Variants in SLC25A23 observed in about 807,000 individuals in gnomAD.
SLC25A23 encodes mitochondrial adenyl nucleotide antiporter SLC25A23.
Under a neutral mutation model 53.9 loss-of-function variants are expected in SLC25A23, and 32 were observed. That is an observed-to-expected ratio of 0.59 (90% CI 0.45 to 0.80). The LOEUF (loss-of-function observed/expected upper bound fraction) is 0.80. Among genes scored for constraint, SLC25A23 ranks in the 30% least tolerant of loss-of-function variants. SLC25A23 has a pLI of 0.00. For synonymous variants in SLC25A23, 275 were observed against 264.5 expected (o/e 1.04, Z -0.38); for missense variants, 575 against 651.4 (o/e 0.88, Z 1.28).
At chr19:6,445,195 C>A (rs534545745) in intron 8 of SLC25A23, among the ~76,000 whole-genome samples, 20 of 151,880 alleles carry the variant, frequency 1.3e-4, no homozygotes, top group Non-Finnish European at 2.8e-4. Context: ...CTGCAACCTC[C>A]GCCTCCTGGC....
intron 8 of SLC25A23, among the ~76,000 whole-genome samples, chr19:6,446,475 C>T (rs1256320923): frequency 2.6e-5 from 4 of 152,234 alleles, no homozygotes; most frequent in Non-Finnish European, 5.9e-5. Context: ...TGACTTCTTA[C>T]TGCCAACATT....
chr19:6,451,403 A>G (rs1434233495), intron 8 of SLC25A23, among the ~76,000 whole-genome samples: 2 of 152,336 alleles, frequency 1.3e-5, no homozygotes, highest in East Asian at 3.9e-4. Context: ...AAAATAAATA[A>G]ATAAATAAAA....
At chr19:6,446,076 A>G (rs1397123346) in intron 8 of SLC25A23, among the ~76,000 whole-genome samples, 1 of 143,162 alleles carries the variant, frequency 7.0e-6, no homozygotes, top group African/African-American at 2.9e-5. Context: ...ATCAAAAAGA[A>G]AAAAGGTCGG....
downstream of SLC25A23, chr19:6,439,991 C>T (rs1005628653): frequency 5.9e-5 from 9 of 152,188 alleles, no homozygotes; most frequent in African/African-American, 2.2e-4. Flanking sequence ...GAAGCAGCCC[C>T]TTGTCCCTTC....
chr19:6,453,188 T>G (rs1343295538), intron 7 of SLC25A23, among the ~76,000 whole-genome samples: 2 of 151,344 alleles, frequency 1.3e-5, no homozygotes, highest in African/African-American at 4.8e-5. Flanking sequence ...ACTCTGAAGC[T>G]ACCATCCCAG....
intron 8 of SLC25A23, 131 bp downstream of exon 8, chr19:6,452,181 C>T: frequency 2.3e-6 from 3 of 1,278,196 alleles, no homozygotes; most frequent in Non-Finnish European, 2.1e-6. Flanking sequence ...GGCCAAGGTG[C>T]TCCTCACCTC....
chr19:6,456,220 C>T (rs2092680663), intron 4 of SLC25A23, 200 bp downstream of exon 4: 8 of 1,054,730 alleles, frequency 7.6e-6, no homozygotes, highest in Non-Finnish European at 9.4e-6. Context: ...TTCAATCAGA[C>T]AGCAGAGATG....
rs1034031285 is a variant in SLC25A23 at position 6,455,962 on chromosome 19, G to A, written c.483+458C>T. 4.7e-5 allele frequency: 57 copies of A among 1,210,270 alleles called. No homozygotes were observed. In the African/African-American group the frequency reaches 8.0e-4, roughly 17 times the overall value. 75.0% of individuals were successfully genotyped at this position (1,210,270 alleles called of 1,614,324 possible). A position where few individuals can be genotyped will look rare whatever the true frequency, so the allele number is the denominator to read the frequency against. Reference sequence around the variant, plus strand: ...TCGCGATCGCCTGACCTCGTGATCCGCCCACTTCGGCCTCCCAAAGTGCTG... The same window carrying A: ...TCGCGATCGCCTGACCTCGTGATCCACCCACTTCGGCCTCCCAAAGTGCTG... On this transcript the variant is annotated intron_variant, in intron 4 of 9. Transcript: ENST00000301454.
intron 8 of SLC25A23, among the ~76,000 whole-genome samples, chr19:6,451,421 C>T (rs2092589291): frequency 6.6e-6 from 1 of 152,116 alleles, no homozygotes; most frequent in African/African-American, 2.4e-5. Flanking sequence ...AAAATAATTT[C>T]GAGACAGCAG....
intron 9 of SLC25A23, among the ~76,000 whole-genome samples, 155 bp downstream of exon 9, chr19:6,443,991 GAAAGT>G (rs981738033): frequency 3.7e-4 from 56 of 152,308 alleles, no homozygotes; most frequent in African/African-American, 1.3e-3. Context: ...TCAGCTCCAT[GAAAGT>G]AAAGGACTCC....
downstream of SLC25A23, chr19:6,438,880 C>A (rs113364872): frequency 6.8e-3 from 1,171 of 171,260 alleles, 14 homozygotes; most frequent in African/African-American, 0.027. Flanking sequence ...AACCAACCAA[C>A]CAAACAAGAA....
chr19:6,437,810 G>GA (rs1226306516), downstream of SLC25A23, among the ~76,000 whole-genome samples: 2,075 of 112,358 alleles, frequency 0.018, 27 homozygotes, highest in South Asian at 0.04. Context: ...CTCCATCTCA[G>GA]AAAAAAAAAA....
chr19:6,441,840 G>C lies in SLC25A23; in HGVS notation c.*135C>G, dbSNP rs2092425153. ...GGGATCCCATGACCCAATGGTTGGG[G>C]CATAGGAGTCTAGGATCCAGGATCT... is the stretch of plus-strand genomic sequence containing the variant. On this transcript the variant is annotated 3_prime_UTR_variant, in exon 10 of 10. Coordinates refer to ENST00000301454, the MANE Select transcript of SLC25A23 (RefSeq NM_024103.3). 4.0e-6 allele frequency: 3 copies of C among 759,462 alleles called. No individual in the cohort carries two copies. The highest frequency in any genetic ancestry group is 4.6e-5 in the Admixed American group (2 of 43,830). The allele number at this position is 759,462 out of a possible 1,614,324, so 47.0% of individuals were successfully genotyped here.
In SLC25A23 at chr19:6,441,680, A is replaced by C; in HGVS notation, c.*295T>G. The C allele has an allele frequency of 2.3e-6, 1 of 437,516 alleles. No individual in the cohort carries two copies. Among genetic ancestry groups the C allele is most frequent in the Non-Finnish European group, 4.2e-6 (1 of 236,436 alleles). 27.1% of individuals were successfully genotyped at this position (437,516 alleles called of 1,614,324 possible). ...TAATCTTGAATCTTGTGGTTAGGGT[A>C]GCAGACTTGAGTTGCTGAAGTAAGG... On this transcript the variant is annotated 3_prime_UTR_variant, in exon 10 of 10. Transcript: ENST00000301454.
intron 9 of SLC25A23, 138 bp downstream of exon 9, chr19:6,444,013 A>T (rs1280885311): frequency 6.6e-6 from 6 of 904,206 alleles, no homozygotes; most frequent in Non-Finnish European, 8.0e-6. Context: ...CTCCCATTTC[A>T]ATGTCACAAA....
chr19:6,448,350 C>T (rs1053759030), intron 8 of SLC25A23, among the ~76,000 whole-genome samples: 1 of 152,156 alleles, frequency 6.6e-6, no homozygotes, highest in East Asian at 1.9e-4. Context: ...TTTTAGAAGC[C>T]TTCTTTTGGG....
At chr19:6,449,418 ATT>A (rs60420597) in intron 8 of SLC25A23, among the ~76,000 whole-genome samples, 4 of 135,910 alleles carry the variant, frequency 2.9e-5, no homozygotes, top group Admixed American at 7.4e-5. Context: ...ACACCTGGCT[ATT>A]TTTTTTTTTT....
Position 6,458,288 on chromosome 19 carries a change from C to T in SLC25A23, c.193G>A (p.Gly65Arg), listed in dbSNP as rs150816117. Residue 65 changes from glycine (G) to arginine (R), a missense_variant, in exon 2 of 10, where the codon GGG becomes AGG. Physicochemically the swap from Gly to Arg is moderately radical, Grantham distance 125 (BLOSUM62 -2). Transcript: ENST00000301454. ...SSEGDADPDG[G>R]LDLEEFSRYL... The stretch of plus-strand genomic sequence containing the variant: ...CGGGAAAATTCCTCCAGGTCGAGCC[C>T]GCCATCTGGGTCAGCATCACCCTCA... 235 of 1,613,136 alleles carry T rather than the reference C, an allele frequency of 1.5e-4. No homozygotes were observed. Among genetic ancestry groups the T allele is most frequent in the Admixed American group, 2.2e-4 (13 of 59,960 alleles).
chr19:6,439,022 C>G (rs1047688314), downstream of SLC25A23, among the ~76,000 whole-genome samples: 5 of 152,086 alleles, frequency 3.3e-5, no homozygotes, highest in African/African-American at 1.2e-4. Flanking sequence ...GCCTGGGCGA[C>G]AGAGCGAGAC....
Sources: gnomAD v4.1 joint callset for allele counts (sites outside exome capture counted in the v4.1 genomes callset) on GRCh38, gnomAD v4.1.1 for gene constraint, MANE v1.5 for transcripts, NCBI Gene and HGNC (gene_info 2026-07-23, HGNC 2026-07-21) for gene names.